PKD1L1: variants seen among roughly 807,000 people sequenced by gnomAD.
PKD1L1 encodes polycystin-1-like protein 1.
In PKD1L1, 236 loss-of-function variants were observed where a neutral mutation model predicts 323.4. That is an observed-to-expected ratio of 0.73 (90% confidence interval 0.66 to 0.81). The LOEUF (loss-of-function observed/expected upper bound fraction) is 0.81. Ranked by LOEUF, PKD1L1 falls within the 40% of genes least tolerant of loss-of-function variation. PKD1L1 has a pLI of 0.00. For missense variants in PKD1L1, 3,320 were observed against 3,508.0 expected, an observed-to-expected ratio of 0.95 and a Z score of 1.35; for synonymous variants, 1,344 against 1,335.0, an observed-to-expected ratio of 1.01 and a Z score of -0.15.
Position 47,796,070 on chromosome 7 carries a change from A to C in PKD1L1, c.8274T>G (p.Thr2758=). 1 of 1,612,096 alleles carries C rather than the reference A, an allele frequency of 6.2e-7. No individual in the cohort carries two copies. The highest frequency in any genetic ancestry group is 8.5e-7 in the Non-Finnish European group (1 of 1,178,620). ...SKSFVRLKDV[T]AYMWEKVLTF... The stretch of plus-strand genomic sequence containing the variant: ...TGAGGACCTTTTCCCACATATAAGC[A>C]GTGACATCTTTAAGTCTCACAAAAG... Residue 2758 remains threonine (T), a synonymous_variant, in exon 55 of 57, where the codon ACT becomes ACG. Coordinates refer to ENST00000289672, the MANE Select transcript of PKD1L1 (RefSeq NM_138295.5).
At chr7:47,960,541 G>A in the PKD1L1 span, among the ~76,000 whole-genome samples, 2 of 151,568 alleles carry the variant, frequency 1.3e-5, no homozygotes, top group Non-Finnish European at 2.9e-5. Context: ...GATTCCATAA[G>A]CTCAGAACTC....
chr7:47,853,847 A>G (rs1785838980), intron 30 of PKD1L1, among the ~76,000 whole-genome samples: 1 of 151,798 alleles, frequency 6.6e-6, no homozygotes, highest in African/African-American at 2.4e-5. Flanking sequence ...CACAGTCTGT[A>G]GGAATAAGAC....
At position 47,803,337 on chromosome 7, in the gene PKD1L1, C is replaced by T. The variant is rs369265310; in HGVS notation, c.7835G>A (p.Arg2612Gln). 36 of 1,613,608 alleles carry T rather than the reference C, an allele frequency of 2.2e-5. No homozygotes were observed. The highest frequency in any genetic ancestry group is 5.3e-5 in the African/African-American group (4 of 74,892). Residue 2612 changes from arginine to glutamine, a missense_variant, in exon 53 of 57, where the codon CGA (arginine) becomes CAA (glutamine). Physicochemically the swap from Arg to Gln is conservative, Grantham distance 43. Coordinates refer to ENST00000289672, the MANE Select transcript of PKD1L1 (RefSeq NM_138295.5). ...TLMASWNQRA[R>Q]WLRGILLFLF... ...GAATAAGAGGATTCCCCGGAGCCAT[C>T]GAGCCCTCTGAGACAGAAGAACATA... is the stretch of plus-strand genomic sequence containing the variant.
At chr7:47,847,159 A>T in intron 31 of PKD1L1, 88 bp from the exon 32 acceptor site, 1 of 1,060,466 alleles carries the variant, frequency 9.4e-7, no homozygotes, top group Non-Finnish European at 1.3e-6. Flanking sequence ...GTAGGCAGAT[A>T]GGTGGGGACA....
chr7:47,813,841 C>A, intron 48 of PKD1L1, 90 bp downstream of exon 48: 1 of 1,135,484 alleles, frequency 8.8e-7, no homozygotes, highest in Admixed American at 1.9e-5. Flanking sequence ...CAGAGAAGTT[C>A]AAATGATCTG....
At position 47,811,889 on chromosome 7, in the gene PKD1L1, G is replaced by A. The variant is rs779952753; in HGVS notation, c.7509C>T (p.Pro2503=). Residue 2503 remains proline, a synonymous_variant, in exon 50 of 57, where the codon CCC becomes CCT. Coordinates refer to ENST00000289672, the MANE Select transcript of PKD1L1 (RefSeq NM_138295.5). ...TGCTGAATGACTCCACCAGGGATGA[G>A]GGGACGAGACTCCCCGTAGGGAGGA... ...VEILPTGSLV[P]SSLVESFSIF... 4.3e-6 allele frequency: 7 copies of A among 1,611,002 alleles called. No individual in the cohort carries two copies. Among genetic ancestry groups the A allele is most frequent in the East Asian group, 2.2e-5 (1 of 44,780 alleles).
At chr7:47,859,317 A>G (rs1016390302) in intron 26 of PKD1L1, among the ~76,000 whole-genome samples, 1 of 152,092 alleles carries the variant, frequency 6.6e-6, no homozygotes, top group Admixed American at 6.5e-5. Flanking sequence ...TGTGCATTCT[A>G]TTCTCAAGCC....
chr7:47,787,316 A>G (rs1786830810), intron 56 of PKD1L1, among the ~76,000 whole-genome samples: 1 of 152,202 alleles, frequency 6.6e-6, no homozygotes. Context: ...ACTTTTTGCC[A>G]AACATACTTT....
At chr7:47,817,970 C>T in intron 46 of PKD1L1, 4 of 1,117,706 alleles carry the variant, frequency 3.6e-6, no homozygotes, top group Non-Finnish European at 4.8e-6. Context: ...ATCTCTTATC[C>T]TTTCAAGTAT....
At chr7:47,928,354 A>G (rs1264262752) in intron 7 of PKD1L1, among the ~76,000 whole-genome samples, 8 of 152,192 alleles carry the variant, frequency 5.3e-5, no homozygotes, top group Admixed American at 5.2e-4. Context: ...AGATCACTTG[A>G]GGTCAGGAGT....
intron 28 of PKD1L1, among the ~76,000 whole-genome samples, chr7:47,855,701 C>T (rs1213767511): frequency 7.9e-6 from 1 of 126,986 alleles, no homozygotes. Flanking sequence ...ACGGTGAAAC[C>T]CCGTCTCTAC....
chr7:47,893,291 C>G (rs1317185577), intron 15 of PKD1L1, among the ~76,000 whole-genome samples: 3 of 151,140 alleles, frequency 2.0e-5, no homozygotes, highest in African/African-American at 7.3e-5. Context: ...CTGGAAAGGT[C>G]CTTCCACGGG....
In PKD1L1 at chr7:47,811,266, G is replaced by A. The variant is rs548373942; in HGVS notation, c.7581+551C>T. Among the ~76,000 whole-genome samples the A allele has an allele frequency of 7.6e-4, 114 of 149,898 alleles. No homozygotes were observed. In the Middle Eastern group the frequency reaches 0.01, roughly 14 times the overall value. On this transcript the variant is annotated intron_variant, in intron 50 of 56. Coordinates refer to ENST00000289672, the MANE Select transcript of PKD1L1 (RefSeq NM_138295.5). ...CCTCCCAGGTTCAAGAAATTCTCCC[G>A]CCTTCAGCCTCCCAAGTAGTTGGGA...
At chr7:47,815,573 G>A in intron 46 of PKD1L1, 116 bp from the exon 47 acceptor site, 1 of 1,237,332 alleles carries the variant, frequency 8.1e-7, no homozygotes, top group Non-Finnish European at 1.1e-6. Flanking sequence ...CAGGTACTCT[G>A]CAGGAATTAA....
intron 13 of PKD1L1, among the ~76,000 whole-genome samples, chr7:47,900,048 C>T (rs1455817376): frequency 6.6e-6 from 1 of 151,182 alleles, no homozygotes; most frequent in Non-Finnish European, 1.5e-5. Context: ...TGAAAGTTTA[C>T]TTTTGACATT....
intron 7 of PKD1L1, among the ~76,000 whole-genome samples, chr7:47,925,579 C>G (rs1206821442): frequency 6.6e-6 from 1 of 152,124 alleles, no homozygotes; most frequent in African/African-American, 2.4e-5. Context: ...CAAAGTTAAC[C>G]TGAAAAATGA....
chr7:47,869,505 T>A (rs62450663), intron 24 of PKD1L1, among the ~76,000 whole-genome samples: 49,100 of 151,904 alleles, frequency 0.32, 8,484 homozygotes, highest in African/African-American at 0.43. Flanking sequence ...AACAGATAGT[T>A]GCAATAAAGA....
At chr7:47,788,799 G>A (rs917795066) in intron 56 of PKD1L1, among the ~76,000 whole-genome samples, 3 of 151,236 alleles carry the variant, frequency 2.0e-5, no homozygotes, top group African/African-American at 7.3e-5. Context: ...GGTTTTCACC[G>A]TGTGAGCCAG....
At chr7:47,790,725 G>A (rs1786924409) in intron 56 of PKD1L1, among the ~76,000 whole-genome samples, 1 of 151,700 alleles carries the variant, frequency 6.6e-6, no homozygotes, top group Admixed American at 6.6e-5. Context: ...TTTAAGTCCA[G>A]CGACTTTATT....
Sources: allele counts gnomAD v4.1 joint callset (sites outside exome capture counted in the v4.1 genomes callset), GRCh38; gene constraint gnomAD v4.1.1; transcripts MANE v1.5; gene names NCBI Gene and HGNC (gene_info 2026-07-23, HGNC 2026-07-21).